The following MTUS2 variants were observed in gnomAD, a reference collection of about 807,000 sequenced individuals.
The protein encoded by MTUS2 is microtubule associated scaffold protein 2.
A neutral mutation model predicts 114.1 loss-of-function variants in MTUS2; 40 were observed. The observed-to-expected ratio is 0.35, with a 90% CI of 0.27 to 0.46. The LOEUF (loss-of-function observed/expected upper bound fraction) is 0.46. Ranked by LOEUF, MTUS2 falls within the 20% of genes least tolerant of loss-of-function variation. The pLI, the probability that MTUS2 is intolerant of heterozygous loss-of-function variation, is 1.00. For missense variants in MTUS2, 1,679 were observed against 1,705.4 expected (o/e 0.98, Z 0.27); for synonymous variants, 688 against 672.0 (o/e 1.02, Z -0.37).
At chr13:29,484,770 C>T (rs1325855519) in intron 10 of MTUS2, 1 of 152,216 alleles carries the variant, frequency 6.6e-6, no homozygotes, top group Non-Finnish European at 1.5e-5. Flanking sequence ...CACGTTTCTT[C>T]ATTTGAAATC....
At chr13:29,270,149 G>A (rs555136962) in intron 5 of MTUS2, among the ~76,000 whole-genome samples, 27 of 152,080 alleles carry the variant, frequency 1.8e-4, no homozygotes, top group Non-Finnish European at 2.5e-4. Flanking sequence ...TTTATGCCTC[G>A]AGTTAACAAA....
intron 8 of MTUS2, among the ~76,000 whole-genome samples, chr13:29,437,010 T>A (rs1403680710): frequency 6.6e-6 from 1 of 152,174 alleles, no homozygotes; most frequent in Non-Finnish European, 1.5e-5. Context: ...GGCCTGTCCC[T>A]CTCATAGGGC....
Position 29,131,356 on chromosome 13 carries a change from A to T in MTUS2, c.2644+30386A>T, listed in dbSNP as rs192145460. 9.2e-5 allele frequency among the ~76,000 whole-genome samples: 14 copies of T among 152,372 alleles called. No homozygotes were observed. In the East Asian group the frequency reaches 1.2e-3, roughly 13 times the overall value. ...GACTCAAAAGCTGATTGTCTTGACCACTATGACATACTGGATATGAGACAG... is the reference window on the plus strand; with the variant it reads ...GACTCAAAAGCTGATTGTCTTGACCTCTATGACATACTGGATATGAGACAG... On this transcript the variant is annotated intron_variant, in intron 5 of 15. Coordinates refer to ENST00000612955, the MANE Select transcript of MTUS2 (RefSeq NM_001033602.4).
intron 5 of MTUS2, among the ~76,000 whole-genome samples, chr13:29,123,812 G>A (rs994256598): frequency 2.6e-5 from 4 of 152,122 alleles, no homozygotes; most frequent in African/African-American, 9.7e-5. Context: ...TCCTTAAAGG[G>A]TAAAACCCAA....
intron 8 of MTUS2, among the ~76,000 whole-genome samples, chr13:29,368,647 AT>A (rs1192513520): frequency 1.3e-5 from 2 of 152,122 alleles, no homozygotes; most frequent in African/African-American, 4.8e-5. Context: ...ATTCAAAAAA[AT>A]AATGTACTTT....
chr13:28,884,779 TG>T (rs1445843986), intron 2 of MTUS2, among the ~76,000 whole-genome samples: 2 of 152,216 alleles, frequency 1.3e-5, no homozygotes, highest in Non-Finnish European at 2.9e-5. Context: ...CTGCATTTTT[TG>T]TTACTTCCTG....
chr13:29,274,651 A>G (rs1454601044), intron 5 of MTUS2, among the ~76,000 whole-genome samples: 2 of 152,046 alleles, frequency 1.3e-5, no homozygotes, highest in Non-Finnish European at 2.9e-5. Context: ...TCCCATTTGT[A>G]TATCTTGTTT....
rs527421432 is a variant in MTUS2 at position 29,014,116 on chromosome 13, C to T, written c.-242-10341C>T. Among the ~76,000 whole-genome samples the T allele has an allele frequency of 2.6e-5, 4 of 152,246 alleles. No individual in the cohort carries two copies. The South Asian group carries it at 8.3e-4, about 32-fold the overall frequency. On this transcript the variant is annotated intron_variant, in intron 2 of 15. Coordinates refer to ENST00000612955, the MANE Select transcript of MTUS2 (RefSeq NM_001033602.4). ...CTCAGAGCCGTTGTGTTGCTTTTCT[C>T]GCCTCCCTAACCCAGGAGGCCTTGT...
At chr13:28,979,374 A>G (rs1282748486) in intron 2 of MTUS2, among the ~76,000 whole-genome samples, 1 of 152,196 alleles carries the variant, frequency 6.6e-6, no homozygotes, top group Non-Finnish European at 1.5e-5. Flanking sequence ...AAAATTAACA[A>G]TGCCTTTTCA....
chr13:29,162,719 G>C (rs1369974948), intron 5 of MTUS2, among the ~76,000 whole-genome samples: 7 of 152,208 alleles, frequency 4.6e-5, no homozygotes, highest in Non-Finnish European at 8.8e-5. Context: ...AGAACCACAT[G>C]AGTCTAATTC....
At chr13:28,881,500 G>A (rs988616668) in intron 2 of MTUS2, among the ~76,000 whole-genome samples, 2 of 152,074 alleles carry the variant, frequency 1.3e-5, no homozygotes, top group East Asian at 3.8e-4. Flanking sequence ...CCCAGTAGTG[G>A]GATTGCTGGA....
chr13:28,968,643 A>C (rs935120128), intron 2 of MTUS2, among the ~76,000 whole-genome samples: 1 of 152,068 alleles, frequency 6.6e-6, no homozygotes, highest in Non-Finnish European at 1.5e-5. Flanking sequence ...AAATAAAAAA[A>C]TTTTCATGTC....
rs752676075 is a variant in MTUS2 at position 29,025,047 on chromosome 13, G to C, written c.349G>C (p.Gly117Arg). ...CAATGAAGAGCACACAGTGGAGAGA[G>C]GCACAGATAGCCTGCAGACCACGCG... Reference protein sequence around the residue: ...ELNEEHTVERGTDSLQTTRSI... With the variant: ...ELNEEHTVERRTDSLQTTRSI... Residue 117 changes from glycine (G) to arginine (R), a missense_variant, in exon 3 of 16, where the codon GGC becomes CGC. Physicochemically the swap from Gly to Arg is moderately radical, Grantham distance 125. This residue lies in a region of MTUS2 where 843 missense variants were observed against 770.8 expected (regional missense o/e 1.09). Coordinates refer to ENST00000612955, the MANE Select transcript of MTUS2 (RefSeq NM_001033602.4). 6 of 1,613,834 alleles carry C rather than the reference G, an allele frequency of 3.7e-6. No homozygotes were observed. In the Admixed American group the frequency reaches 5.0e-5, roughly 13 times the overall value.
At chr13:29,203,443 T>C (rs1258647052) in intron 5 of MTUS2, among the ~76,000 whole-genome samples, 2 of 151,956 alleles carry the variant, frequency 1.3e-5, no homozygotes, top group African/African-American at 4.8e-5. Context: ...CTTAGCTTGC[T>C]GGGCTCCGTG....
rs7327071 is a variant in MTUS2, at chr13:29,357,605, G to A, written c.2906-1657G>A. 7.6e-3 allele frequency among the ~76,000 whole-genome samples: 1,160 copies of A among 152,306 alleles called. 15 individuals carry two copies. The highest frequency in any genetic ancestry group is 0.027 in the African/African-American group (1,110 of 41,558). ...TCTCACCTTTTCTTGATGATGTTTAGTTGGTAGTCATATTTGTTTTGTTTT... is the reference window on the plus strand; with the variant it reads ...TCTCACCTTTTCTTGATGATGTTTAATTGGTAGTCATATTTGTTTTGTTTT... On this transcript the variant is annotated intron_variant, in intron 7 of 15. Transcript: ENST00000612955.
chr13:29,034,896 C>T (rs903285142), intron 4 of MTUS2, among the ~76,000 whole-genome samples: 1 of 152,092 alleles, frequency 6.6e-6, no homozygotes, highest in Non-Finnish European at 1.5e-5. Context: ...AATTATGCAC[C>T]TTTGAAATAG....
chr13:29,026,991 C>A, intron 3 of MTUS2, 88 bp downstream of exon 3: 1 of 1,321,150 alleles, frequency 7.6e-7, no homozygotes, highest in Non-Finnish European at 1.0e-6. Flanking sequence ...AGTAAAATGT[C>A]CTCTTTAAGT....
intron 1 of MTUS2, among the ~76,000 whole-genome samples, chr13:28,822,424 G>C (rs1873967488): frequency 6.6e-6 from 1 of 152,226 alleles, no homozygotes; most frequent in African/African-American, 2.4e-5. Context: ...GGAACAGCAG[G>C]GATGGTGGTT....
rs113874809 is a variant in MTUS2 at position 29,207,889 on chromosome 13, T to C, written c.2645-73815T>C. 1.7e-3 allele frequency among the ~76,000 whole-genome samples: 254 copies of C among 152,222 alleles called. 1 individual carries two copies. The highest frequency in any genetic ancestry group is 5.6e-3 in the African/African-American group (234 of 41,558). On this transcript the variant is annotated intron_variant, in intron 5 of 15. Coordinates refer to ENST00000612955, the MANE Select transcript of MTUS2 (RefSeq NM_001033602.4). ...GGAGATTGGTCTGTAATTTTCTTTT[T>C]TGTGTGTGATGTTCTTTCCTGGTTT...
Sources: allele counts gnomAD v4.1 joint callset (sites outside exome capture counted in the v4.1 genomes callset), GRCh38; gene constraint gnomAD v4.1.1; regional missense constraint gnomAD v4.1.1; transcripts MANE v1.5; gene names NCBI Gene and HGNC (gene_info 2026-07-23, HGNC 2026-07-21).